Variants in MYOM2 observed in about 807,000 individuals in gnomAD.
MYOM2 encodes myomesin 2.
Under a neutral mutation model 187.6 loss-of-function variants are expected in MYOM2, and 254 were observed. That is an observed-to-expected ratio of 1.35 (90% CI 1.22 to 1.50). The LOEUF (loss-of-function observed/expected upper bound fraction) is 1.50, where lower values mean the gene tolerates loss of function less well. Among genes scored for constraint, MYOM2 ranks in the 40% most tolerant of loss-of-function variants. The probability of loss-of-function intolerance (pLI) is 0.00; values close to 1 mark genes in which losing one functional copy is unlikely to be tolerated. For missense variants in MYOM2, 2,796 were observed against 1,924.0 expected, an observed-to-expected ratio of 1.45 and a Z score of -8.48; for synonymous variants, 981 against 753.8, an observed-to-expected ratio of 1.30 and a Z score of -4.94.
intron 32 of MYOM2, among the ~76,000 whole-genome samples, chr8:2,134,996 G>A (rs73657750): frequency 0.13 from 19,751 of 151,952 alleles, 2,164 homozygotes; most frequent in African/African-American, 0.28. Context: ...GCACACACTC[G>A]CTCATCCGTG....
Position 2,069,903 on chromosome 8 carries a change from C to T in MYOM2, c.793+406C>T, listed in dbSNP as rs144438992. On this transcript the variant is annotated intron_variant, in intron 8 of 36. Transcript: ENST00000262113. ...ACCTGAATGCATCATGTTGCTGTTT[C>T]GTGTTTAAGGAGATGTTTTTTTTTT... Among the ~76,000 whole-genome samples, 512 of 152,244 alleles carry T rather than the reference C, an allele frequency of 3.4e-3. 1 individual carries two copies. Among genetic ancestry groups the T allele is most frequent in the African/African-American group, 0.012 (485 of 41,552 alleles).
rs117868913 is a variant in MYOM2, at chr8:2,111,796, T to C, written c.3180+2265T>C. ...AAAAACAGTCTGAGGTCATGCCTTC[T>C]CATTCATTTCTGTCACTTTCTATCA... On this transcript the variant is annotated intron_variant, in intron 25 of 36. Coordinates refer to ENST00000262113, the MANE Select transcript of MYOM2 (RefSeq NM_003970.4). 4.5e-3 allele frequency among the ~76,000 whole-genome samples: 693 copies of C among 152,360 alleles called. 19 individuals are homozygous for C. The East Asian group carries it at 0.057, about 12-fold the overall frequency.
At chr8:2,048,138 T>C (rs755522138) in intron 1 of MYOM2, among the ~76,000 whole-genome samples, 5 of 152,212 alleles carry the variant, frequency 3.3e-5, no homozygotes, top group Non-Finnish European at 5.9e-5. Context: ...TCAACATAAG[T>C]GTAAGTAGAT....
rs1819758883 is a variant in MYOM2, at chr8:2,084,957, C to A, written c.1517-306C>A. ...CACAGTCAGAGCCCCATTTCGGGTGCAATGCCTGGTTTCTTCTGGTAAATC... is the reference window on the plus strand; with the variant it reads ...CACAGTCAGAGCCCCATTTCGGGTGAAATGCCTGGTTTCTTCTGGTAAATC... On this transcript the variant is annotated intron_variant, in intron 13 of 36. Coordinates refer to ENST00000262113, the MANE Select transcript of MYOM2 (RefSeq NM_003970.4). 1.7e-5 allele frequency: 6 copies of A among 345,708 alleles called. No individual in the cohort carries two copies. The East Asian group carries it at 3.4e-4, about 20-fold the overall frequency. 21.4% of individuals were successfully genotyped at this position (345,708 alleles called of 1,614,324 possible).
chr8:2,144,012 T>A, intron 36 of MYOM2, among the ~76,000 whole-genome samples: 1 of 152,250 alleles, frequency 6.6e-6, no homozygotes, highest in East Asian at 1.9e-4. Flanking sequence ...TCTGGTTGCT[T>A]CAGTGGGTCT....
At chr8:2,068,968 A>T (rs1482498119) in intron 6 of MYOM2, among the ~76,000 whole-genome samples, 2 of 152,208 alleles carry the variant, frequency 1.3e-5, no homozygotes, top group Admixed American at 1.3e-4. Flanking sequence ...TAGAAAAAAT[A>T]GGACCAGAAT....
At chr8:2,115,054 T>C (rs892926995) in intron 25 of MYOM2, among the ~76,000 whole-genome samples, 1 of 149,764 alleles carries the variant, frequency 6.7e-6, no homozygotes, top group Non-Finnish European at 1.5e-5. Flanking sequence ...AGAATTAGAG[T>C]TATTTAAGTG....
Position 2,127,410 on chromosome 8 carries a change from C to T in MYOM2, c.3695-1717C>T, listed in dbSNP as rs117278256. ...GCGCACTTTTTGGCTTTCTTAGCCC[C>T]GCACAGTTCCCTAGACCTCATGCCC... On this transcript the variant is annotated intron_variant, in intron 31 of 36. Transcript: ENST00000262113. Among the ~76,000 whole-genome samples, 721 of 152,288 alleles carry T rather than the reference C, an allele frequency of 4.7e-3. 13 individuals are homozygous for T. The highest frequency in any genetic ancestry group is 0.045 in the East Asian group (233 of 5,170).
In MYOM2 at chr8:2,052,146, A is replaced by G; in HGVS notation, c.108-12A>G. ...GAGCATGCATCTCCTAATCGTGTCC[A>G]TGTTCCTGAAGGCGAGCTTCCACCC... On this transcript the variant is annotated splice_polypyrimidine_tract_variant and intron_variant, in intron 2 of 36. Transcript: ENST00000262113. 2 of 1,612,910 alleles carry G rather than the reference A, an allele frequency of 1.2e-6. No individual in the cohort carries two copies. The highest frequency in any genetic ancestry group is 1.1e-5 in the South Asian group (1 of 90,742).
At chr8:2,144,619 C>A (rs140069036) in intron 36 of MYOM2, 45 bp from the exon 37 acceptor site, 1 of 1,599,110 alleles carries the variant, frequency 6.3e-7, no homozygotes, top group East Asian at 2.2e-5. Flanking sequence ...ACATGACTTT[C>A]CTTTTTCTAA....
intron 31 of MYOM2, among the ~76,000 whole-genome samples, chr8:2,124,687 A>G (rs1368925265): frequency 6.6e-6 from 1 of 152,174 alleles, no homozygotes; most frequent in African/African-American, 2.4e-5. Flanking sequence ...ACTCTTTTCT[A>G]TAGTGGCTAT....
Position 2,090,138 on chromosome 8 carries a change from G to A in MYOM2, c.1775G>A (p.Gly592Asp), listed in dbSNP as rs1232593583. The change falls in exon 15 of 37, where the codon GGC becomes GAC. Residue 592 changes from glycine to aspartate, a missense_variant. Transcript: ENST00000262113. Reference sequence around the variant, plus strand: ...CGAGTGCTGTCAGCAAACCGGCATGGCCTGAGCGAACCTTCGGAGATAACG... The same window carrying A: ...CGAGTGCTGTCAGCAAACCGGCATGACCTGAGCGAACCTTCGGAGATAACG... Reference protein sequence around the residue: ...VFRVLSANRHGLSEPSEITSP... With the variant: ...VFRVLSANRHDLSEPSEITSP... The A allele has an allele frequency of 1.2e-6, 2 of 1,614,084 alleles. No individual in the cohort carries two copies. Among genetic ancestry groups the A allele is most frequent in the East Asian group, 2.2e-5 (1 of 44,876 alleles).
At chr8:2,123,714 G>T (rs1426161725) in intron 30 of MYOM2, 72 bp downstream of exon 30, 2 of 1,313,700 alleles carry the variant, frequency 1.5e-6, no homozygotes, top group Non-Finnish European at 2.2e-6. Flanking sequence ...TATTCTGAAG[G>T]CAGGTCTATG....
At chr8:2,066,837 C>T (rs1819035271) in intron 6 of MYOM2, among the ~76,000 whole-genome samples, 1 of 152,232 alleles carries the variant, frequency 6.6e-6, no homozygotes, top group African/African-American at 2.4e-5. Context: ...GGGGACATGG[C>T]TGTGCCTGTG....
At chr8:2,045,427 C>T (rs749849671) in intron 1 of MYOM2, among the ~76,000 whole-genome samples, 5 of 152,206 alleles carry the variant, frequency 3.3e-5, no homozygotes, top group Admixed American at 1.3e-4. Flanking sequence ...TAGCACCCTG[C>T]GGCGTGTGCT....
chr8:2,080,359 A>G (rs1730580215), intron 13 of MYOM2, among the ~76,000 whole-genome samples: 1 of 152,252 alleles, frequency 6.6e-6, no homozygotes, highest in South Asian at 2.1e-4. Context: ...GGTTTTCTAC[A>G]TCTGAAGCAG....
chr8:2,071,956 G>A (rs894353503), intron 8 of MYOM2, among the ~76,000 whole-genome samples: 1 of 152,072 alleles, frequency 6.6e-6, no homozygotes, highest in Non-Finnish European at 1.5e-5. Flanking sequence ...ACCTCCCAAA[G>A]GCCCCACCTC....
chr8:2,085,450 A>T, intron 14 of MYOM2, 60 bp downstream of exon 14: 3 of 1,580,766 alleles, frequency 1.9e-6, no homozygotes, highest in East Asian at 2.3e-5. Context: ...CACTGTCATG[A>T]TCTCTGCGTG....
chr8:2,120,583 T>G (rs1797394327), intron 28 of MYOM2, among the ~76,000 whole-genome samples: 1 of 143,378 alleles, frequency 7.0e-6, no homozygotes, highest in South Asian at 2.2e-4. Context: ...TCCTAGAAAT[T>G]TGTGTGATGA....
Sources: gnomAD v4.1 joint callset for allele counts (sites outside exome capture counted in the v4.1 genomes callset) on GRCh38, gnomAD v4.1.1 for gene constraint, MANE v1.5 for transcripts, NCBI Gene and HGNC (gene_info 2026-07-23, HGNC 2026-07-21) for gene names.